Variants in DLG2 observed in about 807,000 individuals in gnomAD.
DLG2 encodes discs large MAGUK scaffold protein 2.
In DLG2, 45 loss-of-function variants were observed where a neutral mutation model predicts 132.5. The ratio of observed to expected loss-of-function variants is 0.34; its 90% CI spans 0.27 to 0.44. DLG2 has a LOEUF of 0.44. Ranked by LOEUF, DLG2 falls within the 20% of genes least tolerant of loss-of-function variation. DLG2 has a pLI of 1.00. For missense variants in DLG2, 1,045 were observed against 1,196.9 expected (o/e 0.87, Z 1.87); for synonymous variants, 424 against 419.6 (o/e 1.01, Z -0.13).
chr11:84,582,412 A>G (rs1023086451), intron 6 of DLG2, among the ~76,000 whole-genome samples: 1 of 148,964 alleles, frequency 6.7e-6, no homozygotes, highest in Non-Finnish European at 1.5e-5. Context: ...TTTAAGTTAA[A>G]ATACATATAT....
At chr11:83,696,491 AG>A (rs1365052690) in intron 18 of DLG2, among the ~76,000 whole-genome samples, 1 of 152,224 alleles carries the variant, frequency 6.6e-6, no homozygotes, top group Non-Finnish European at 1.5e-5. Flanking sequence ...TCATTCCTTG[AG>A]TCACAGTTTT....
chr11:84,153,170 A>G (rs992683962), intron 9 of DLG2, among the ~76,000 whole-genome samples: 10 of 152,078 alleles, frequency 6.6e-5, no homozygotes, highest in Non-Finnish European at 1.0e-4. Flanking sequence ...CAGACCCTCA[A>G]TCTCTTCTGG....
chr11:84,374,584 A>G (rs12275945), intron 7 of DLG2, among the ~76,000 whole-genome samples: 21,349 of 152,048 alleles, frequency 0.14, 1,998 homozygotes, highest in African/African-American at 0.26. Flanking sequence ...AGACCAAAAG[A>G]TTGGACACCC....
intron 6 of DLG2, among the ~76,000 whole-genome samples, chr11:84,966,441 T>C (rs1412410569): frequency 1.3e-5 from 2 of 152,056 alleles, no homozygotes; most frequent in Non-Finnish European, 2.9e-5. Flanking sequence ...AAAACAATAG[T>C]TATTATTCCT....
At chr11:83,661,254 G>A (rs2074193555) in intron 18 of DLG2, among the ~76,000 whole-genome samples, 2 of 152,008 alleles carry the variant, frequency 1.3e-5, no homozygotes, top group Non-Finnish European at 1.5e-5. Context: ...CCTCTCTTGT[G>A]CTTAAATTCA....
chr11:84,346,153 C>CT (rs1402130261), intron 7 of DLG2, among the ~76,000 whole-genome samples: 2 of 152,302 alleles, frequency 1.3e-5, no homozygotes, highest in East Asian at 3.9e-4. Context: ...TTCCAACACT[C>CT]TTTCCTTCAA....
chr11:84,686,632 T>G (rs1191669813), intron 6 of DLG2, among the ~76,000 whole-genome samples: 5 of 61,190 alleles, frequency 8.2e-5, no homozygotes, highest in Admixed American at 3.1e-4. Context: ...GCCTTGAGGT[T>G]TTTTTTTTTT....
intron 18 of DLG2, among the ~76,000 whole-genome samples, chr11:83,663,555 G>T (rs1400425150): frequency 6.6e-6 from 1 of 152,214 alleles, no homozygotes; most frequent in African/African-American, 2.4e-5. Context: ...GATACAATGT[G>T]TGTGTGGCAC....
intron 3 of DLG2, among the ~76,000 whole-genome samples, chr11:85,366,381 A>C (rs1174781190): frequency 6.6e-6 from 1 of 152,108 alleles, no homozygotes; most frequent in African/African-American, 2.4e-5. Flanking sequence ...TAAATATCTA[A>C]AAAGAAAATT....
chr11:83,882,797 G>A (rs1003453248), intron 15 of DLG2, among the ~76,000 whole-genome samples: 3 of 152,166 alleles, frequency 2.0e-5, no homozygotes, highest in African/African-American at 4.8e-5. Context: ...TTATATGAAT[G>A]TCTAATAGGA....
intron 18 of DLG2, among the ~76,000 whole-genome samples, chr11:83,730,311 ATTAC>A (rs763150306): frequency 6.6e-6 from 1 of 152,130 alleles, no homozygotes. Flanking sequence ...TACCTTGTAA[ATTAC>A]TTAACCATTT....
intron 3 of DLG2, among the ~76,000 whole-genome samples, chr11:85,324,667 G>A (rs1051614908): frequency 4.6e-5 from 7 of 152,150 alleles, no homozygotes; most frequent in Non-Finnish European, 8.8e-5. Flanking sequence ...GAGGTTTTGA[G>A]GTTTGCTGTA....
chr11:85,495,304 A>T (rs2093645574), intron 3 of DLG2, among the ~76,000 whole-genome samples: 1 of 152,156 alleles, frequency 6.6e-6, no homozygotes, highest in African/African-American at 2.4e-5. Flanking sequence ...TCTAAAATCT[A>T]GCAATTCATC....
At chr11:85,203,725 G>A (rs1565153198) in intron 4 of DLG2, among the ~76,000 whole-genome samples, 1 of 151,984 alleles carries the variant, frequency 6.6e-6, no homozygotes, top group Non-Finnish European at 1.5e-5. Flanking sequence ...AACTAGACAA[G>A]GACACAGCAC....
intron 6 of DLG2, among the ~76,000 whole-genome samples, chr11:84,837,523 A>C (rs1036562930): frequency 6.6e-6 from 1 of 151,786 alleles, no homozygotes; most frequent in Non-Finnish European, 1.5e-5. Context: ...AAACTGCCCT[A>C]AATCTCAACC....
At chr11:85,119,901 A>G (rs2074098042) in intron 5 of DLG2, among the ~76,000 whole-genome samples, 1 of 152,112 alleles carries the variant, frequency 6.6e-6, no homozygotes, top group Non-Finnish European at 1.5e-5. Context: ...ACTACATGGG[A>G]AAGGTAACAA....
chr11:85,570,970 T>G (rs2077811405), intron 3 of DLG2, among the ~76,000 whole-genome samples: 1 of 152,116 alleles, frequency 6.6e-6, no homozygotes, highest in Non-Finnish European at 1.5e-5. Flanking sequence ...TTAATATTCT[T>G]ATTAATACTC....
chr11:84,638,328 C>A (rs1490642797), intron 6 of DLG2, among the ~76,000 whole-genome samples: 1 of 152,106 alleles, frequency 6.6e-6, no homozygotes, highest in Non-Finnish European at 1.5e-5. Context: ...AGTAATAATA[C>A]CACAGACAAG....
At chr11:84,834,289 C>T (rs2098687944) in intron 6 of DLG2, among the ~76,000 whole-genome samples, 1 of 151,496 alleles carries the variant, frequency 6.6e-6, no homozygotes, top group South Asian at 2.1e-4. Flanking sequence ...AATAAACTAC[C>T]CACAATACCT....
Sources: gnomAD v4.1 joint callset for allele counts (sites outside exome capture counted in the v4.1 genomes callset) on GRCh38, gnomAD v4.1.1 for gene constraint, MANE v1.5 for transcripts, NCBI Gene and HGNC (gene_info 2026-07-23, HGNC 2026-07-21) for gene names.